FBN2: variants seen among roughly 807,000 people sequenced by gnomAD.
FBN2 encodes fibrillin-2.
Under a neutral mutation model 355.6 loss-of-function variants are expected in FBN2, and 105 were observed. The ratio of observed to expected loss-of-function variants is 0.30; its 90% CI spans 0.25 to 0.35. The LOEUF is 0.35. Ranked by LOEUF, FBN2 falls within the 10% of genes least tolerant of loss-of-function variation. The probability of loss-of-function intolerance (pLI) is 1.00; values close to 1 mark genes in which losing one functional copy is unlikely to be tolerated. For synonymous variants in FBN2, 1,350 were observed against 1,301.2 expected (o/e 1.04, Z -0.81); for missense variants, 3,280 against 3,758.7 (o/e 0.87, Z 3.33).
chr5:128,376,743 G>A lies in FBN2; in HGVS notation c.1960C>T (p.Arg654Cys), dbSNP rs1165147841. 30 of 1,613,520 alleles carry A rather than the reference G, an allele frequency of 1.9e-5. No homozygotes were observed. The highest frequency in any genetic ancestry group is 1.6e-4 in the Middle Eastern group (1 of 6,080). ...KPGFVLAPNG[R>C]YCTDVDECQT... The stretch of plus-strand genomic sequence containing the variant: ...AAGCCACACATACCAGTACAGTAAC[G>A]CCCATTTGGAGCCAAGACAAATCCT... Residue 654 changes from arginine to cysteine, a missense_variant, in exon 14 of 65, where the codon CGT becomes TGT. Arg to Cys is a radical substitution (Grantham distance 180). Transcript: ENST00000262464.
At position 128,393,236 on chromosome 5, in the gene FBN2, C is replaced by A. The variant is rs202050578; in HGVS notation, c.1364G>T (p.Gly455Val). The change falls in exon 10 of 65, where the codon GGG becomes GTG. Residue 455 changes from glycine (G) to valine (V), a missense_variant. Gly to Val is a moderately radical substitution (Grantham distance 109). Coordinates refer to ENST00000262464, the MANE Select transcript of FBN2 (RefSeq NM_001999.4). Reference protein sequence around the residue: ...SGNGNGYGPGGTGFIPIPGGN... With the variant: ...SGNGNGYGPGVTGFIPIPGGN... ...TCCAGGGATGGGGATGAAGCCTGTC[C>A]CTCCTGGGCCATAGCCATTGCCATT... is the stretch of plus-strand genomic sequence containing the variant. The A allele has an allele frequency of 6.2e-7, 1 of 1,614,044 alleles. No individual in the cohort carries two copies. Among genetic ancestry groups the A allele is most frequent in the African/African-American group, 1.3e-5 (1 of 74,934 alleles).
intron 5 of FBN2, among the ~76,000 whole-genome samples, chr5:128,472,721 G>C (rs186745771): frequency 1.3e-5 from 2 of 151,912 alleles, no homozygotes; most frequent in Non-Finnish European, 2.9e-5. Context: ...AACCCGGGAG[G>C]GGGAGGTTGC....
chr5:128,505,370 A>G (rs1755927932), intron 5 of FBN2, among the ~76,000 whole-genome samples: 1 of 152,234 alleles, frequency 6.6e-6, no homozygotes, highest in Non-Finnish European at 1.5e-5. Context: ...ACAAGTAGAA[A>G]AAAAGTGTAT....
chr5:128,305,090 A>T lies in FBN2; in HGVS notation c.5675-8T>A, dbSNP rs77052925. On this transcript the variant is annotated splice_region_variant and splice_polypyrimidine_tract_variant and intron_variant, in intron 44 of 64. Coordinates refer to ENST00000262464, the MANE Select transcript of FBN2 (RefSeq NM_001999.4). Reference sequence around the variant, plus strand: ...CTAAACATTCATTGCGATCTAAAACAGAAAAAAATAAATGTTACATGTATC... The same window carrying T: ...CTAAACATTCATTGCGATCTAAAACTGAAAAAAATAAATGTTACATGTATC... 1.2e-5 allele frequency: 19 copies of T among 1,573,172 alleles called. No homozygotes were observed. In the South Asian group the frequency reaches 2.1e-4, roughly 18 times the overall value.
In FBN2 at chr5:128,272,455, T is replaced by C. The variant is rs569718584; in HGVS notation, c.7841-337A>G. 1.3e-4 allele frequency among the ~76,000 whole-genome samples: 13 copies of C among 101,908 alleles called. No individual in the cohort carries two copies. The South Asian group carries it at 4.7e-3, about 37-fold the overall frequency. 66.9% of individuals were successfully genotyped at this position (101,908 alleles called of 152,430 possible). On this transcript the variant is annotated intron_variant, in intron 61 of 64. Coordinates refer to ENST00000262464, the MANE Select transcript of FBN2 (RefSeq NM_001999.4). ...TTAACTGCAAATGGTATGATTTATTTGGTAAATCATATATATATATATATA... is the reference window on the plus strand; with the variant it reads ...TTAACTGCAAATGGTATGATTTATTCGGTAAATCATATATATATATATATA...
chr5:128,344,552 A>G (rs780991943), intron 24 of FBN2, 42 bp from the exon 25 acceptor site: 2 of 1,603,744 alleles, frequency 1.2e-6, no homozygotes, highest in Non-Finnish European at 1.7e-6. Context: ...CGGTTGATAT[A>G]AACGATTAGG....
At chr5:128,373,022 T>A (rs1041876819) in intron 15 of FBN2, among the ~76,000 whole-genome samples, 3 of 152,176 alleles carry the variant, frequency 2.0e-5, no homozygotes, top group African/African-American at 7.2e-5. Context: ...CAGTAATATA[T>A]AATTTTATAC....
intron 5 of FBN2, among the ~76,000 whole-genome samples, chr5:128,516,122 C>T (rs575265793): frequency 6.6e-6 from 1 of 152,260 alleles, no homozygotes; most frequent in East Asian, 1.9e-4. Context: ...GTCTTGTCTA[C>T]CCACCCTCTC....
intron 40 of FBN2, 30 bp downstream of exon 40, chr5:128,309,953 C>T: frequency 3.1e-6 from 5 of 1,611,206 alleles, no homozygotes; most frequent in Non-Finnish European, 3.4e-6. Flanking sequence ...AACAACTGTG[C>T]TCTAATTAAT....
intron 5 of FBN2, among the ~76,000 whole-genome samples, chr5:128,510,782 G>C (rs1395891282): frequency 6.6e-6 from 1 of 152,104 alleles, no homozygotes; most frequent in African/African-American, 2.4e-5. Flanking sequence ...CATGTGCCTT[G>C]TTATCAGTAC....
intron 14 of FBN2, among the ~76,000 whole-genome samples, chr5:128,375,627 T>C (rs192409942): frequency 2.0e-3 from 305 of 152,272 alleles, no homozygotes; most frequent in Non-Finnish European, 1.6e-3. Flanking sequence ...TTGTAATTCA[T>C]TGAAATTATA....
At chr5:128,471,013 G>A (rs1210350771) in intron 5 of FBN2, among the ~76,000 whole-genome samples, 3 of 151,994 alleles carry the variant, frequency 2.0e-5, no homozygotes, top group South Asian at 4.2e-4. Context: ...ATCTTGGAAA[G>A]TACATTTAAA....
At chr5:128,433,416 C>T (rs954101253) in intron 7 of FBN2, among the ~76,000 whole-genome samples, 1 of 152,070 alleles carries the variant, frequency 6.6e-6, no homozygotes, top group Admixed American at 6.6e-5. Context: ...ATTGATTTTG[C>T]AACATAAGAG....
chr5:128,347,736 G>A lies in FBN2; in HGVS notation c.2989+1611C>T, dbSNP rs566659768. ...GTGGTGACAAAAGCATTTAAGCAAA[G>A]TACAAGGATGAAGAATCCAATATAT... On this transcript the variant is annotated intron_variant, in intron 23 of 64. Coordinates refer to ENST00000262464, the MANE Select transcript of FBN2 (RefSeq NM_001999.4). 2.6e-5 allele frequency among the ~76,000 whole-genome samples: 4 copies of A among 152,038 alleles called. No homozygotes were observed. The South Asian group carries it at 8.3e-4, about 32-fold the overall frequency.
Position 128,393,159 on chromosome 5 carries a change from G to C in FBN2, c.1441C>G (p.Gln481Glu). ...VGGAGVGAGGQGPIITGLTIL... is the reference protein window; with the variant it reads ...VGGAGVGAGGEGPIITGLTIL... ...CTTAGTCCAGTGATGATAGGTCCCTGTCCCCCGGCCCCCACACCGGCTCCC... is the reference window on the plus strand; with the variant it reads ...CTTAGTCCAGTGATGATAGGTCCCTCTCCCCCGGCCCCCACACCGGCTCCC... Residue 481 changes from glutamine to glutamate, a missense_variant, in exon 10 of 65, where the codon CAG (glutamine) becomes GAG (glutamate). By Grantham distance (29) the Gln-to-Glu change is conservative. Around this residue, in one of 6 missense-constraint regions of FBN2, gnomAD observed 343 missense variants for 331.0 expected, o/e 1.04. Transcript: ENST00000262464. The C allele has an allele frequency of 1.2e-6, 2 of 1,613,968 alleles. No homozygotes were observed. Among genetic ancestry groups the C allele is most frequent in the Non-Finnish European group, 1.7e-6 (2 of 1,179,860 alleles).
At chr5:128,525,031 A>C (rs1360828902) in intron 4 of FBN2, among the ~76,000 whole-genome samples, 2 of 152,190 alleles carry the variant, frequency 1.3e-5, no homozygotes, top group Non-Finnish European at 2.9e-5. Context: ...TCCTGTGTGA[A>C]GAACAAGAGA....
intron 25 of FBN2, among the ~76,000 whole-genome samples, chr5:128,342,502 T>C (rs1751051176): frequency 6.6e-6 from 1 of 151,924 alleles, no homozygotes; most frequent in Non-Finnish European, 1.5e-5. Flanking sequence ...AACGGGATGG[T>C]AGCTTGAGAG....
intron 8 of FBN2, among the ~76,000 whole-genome samples, chr5:128,399,827 T>C (rs1752748821): frequency 1.3e-5 from 2 of 151,678 alleles, no homozygotes; most frequent in South Asian, 2.1e-4. Flanking sequence ...TCTTAACAAA[T>C]AGGAGAAAGA....
At chr5:128,269,793 G>A (rs1261989871) in intron 62 of FBN2, among the ~76,000 whole-genome samples, 1 of 152,126 alleles carries the variant, frequency 6.6e-6, no homozygotes, top group Non-Finnish European at 1.5e-5. Context: ...TGTGAAAATG[G>A]CCATACTGCC....
Sources: allele counts gnomAD v4.1 joint callset (sites outside exome capture counted in the v4.1 genomes callset), GRCh38; gene constraint gnomAD v4.1.1; regional missense constraint gnomAD v4.1.1; transcripts MANE v1.5; gene names NCBI Gene and HGNC (gene_info 2026-07-23, HGNC 2026-07-21).